LPAR6: variants seen among roughly 807,000 people sequenced by gnomAD.
LPAR6 encodes lysophosphatidic acid receptor 6, also known as G-protein coupled purinergic receptor P2Y5.
LPAR6 carries 17 observed loss-of-function variants against 22.0 expected under a neutral mutation model. The ratio of observed to expected loss-of-function variants is 0.77; its 90% CI spans 0.53 to 1.16. The LOEUF (loss-of-function observed/expected upper bound fraction) is 1.16, where lower values mean the gene tolerates loss of function less well. Among genes scored for constraint, LPAR6 ranks in the 50% most tolerant of loss-of-function variants. The pLI, the probability that LPAR6 is intolerant of heterozygous loss-of-function variation, is 0.00. For synonymous variants in LPAR6, 136 were observed against 139.8 expected (o/e 0.97, Z 0.19); for missense variants, 384 against 406.9 (o/e 0.94, Z 0.48).
Position 48,391,296 on chromosome 13 carries a change from A to C in LPAR6, n.115-1484T>G, listed in dbSNP as rs944754305. On this transcript the variant is annotated intron_variant and non_coding_transcript_variant, in intron 1 of 1. Coordinates refer to the LPAR6 transcript ENST00000462781. ...CATACATTTTGCTTCGACAGAAGTTATAAGCTCTACAATACACTCATAACT... is the reference window on the plus strand; with the variant it reads ...CATACATTTTGCTTCGACAGAAGTTCTAAGCTCTACAATACACTCATAACT... 4 of 152,208 alleles carry C rather than the reference A, an allele frequency of 2.6e-5. No individual in the cohort carries two copies. The East Asian group carries it at 7.7e-4, about 29-fold the overall frequency. 9.4% of individuals were successfully genotyped at this position (152,208 alleles called of 1,614,324 possible).
upstream of LPAR6, among the ~76,000 whole-genome samples, chr13:48,416,971 G>A (rs1269088462): frequency 5.3e-5 from 8 of 152,324 alleles, no homozygotes; most frequent in East Asian, 1.4e-3. Context: ...CCTGGGGGAA[G>A]GGTGCTATGG....
At chr13:48,414,394 G>A (rs142730064), upstream of LPAR6, among the ~76,000 whole-genome samples, 1,510 of 150,830 alleles carry the variant, frequency 0.01, 37 homozygotes, top group African/African-American at 0.035. Flanking sequence ...AAAATCAGAA[G>A]AAGAAAGTGT....
At chr13:48,420,950 G>T (rs1028573641) in intron 2 of LPAR6, among the ~76,000 whole-genome samples, 3 of 152,130 alleles carry the variant, frequency 2.0e-5, no homozygotes, top group African/African-American at 7.2e-5. Flanking sequence ...TGTGAAAATG[G>T]CCATACCACT....
chr13:48,414,085 C>T (rs753621553), upstream of LPAR6, among the ~76,000 whole-genome samples: 1 of 152,086 alleles, frequency 6.6e-6, no homozygotes, highest in African/African-American at 2.4e-5. Context: ...CAGTGGCTCA[C>T]GCCTATAATC....
intron 1 of LPAR6, among the ~76,000 whole-genome samples, chr13:48,405,678 C>G (rs1242113583): frequency 6.6e-6 from 1 of 152,136 alleles, no homozygotes; most frequent in Non-Finnish European, 1.5e-5. Flanking sequence ...GAAAGTTTGT[C>G]AATACCCAAT....
At chr13:48,402,151 T>C (rs1234159119) in intron 1 of LPAR6, among the ~76,000 whole-genome samples, 2 of 152,188 alleles carry the variant, frequency 1.3e-5, no homozygotes, top group Non-Finnish European at 2.9e-5. Context: ...AATCCAATAC[T>C]GAACTTACTA....
intron 1 of LPAR6, among the ~76,000 whole-genome samples, chr13:48,435,102 G>T (rs1949170291): frequency 6.6e-6 from 1 of 152,134 alleles, no homozygotes; most frequent in Non-Finnish European, 1.5e-5. Context: ...GAGTTGTATG[G>T]TTATTTTGCA....
rs1217677089 is a variant in LPAR6, at chr13:48,411,929, T to C, written c.495A>G (p.Ser165=). 1 of 1,612,610 alleles carries C rather than the reference T, an allele frequency of 6.2e-7. No homozygotes were observed. Among genetic ancestry groups the C allele is most frequent in the African/African-American group, 1.3e-5 (1 of 75,022 alleles). ...QSTHSQGNNA[S]EACFENFPEA... is the part of the protein sequence containing the mutation. The stretch of plus-strand genomic sequence containing the variant: ...CTGGAAAATTTTCAAAGCAGGCTTC[T>C]GAGGCATTGTTACCCTGAGAGTGGG... Residue 165 remains serine, a synonymous_variant, in exon 1 of 1, where the codon TCA becomes TCG. Transcript: ENST00000620633.
upstream of LPAR6, among the ~76,000 whole-genome samples, chr13:48,414,450 T>C (rs962595529): frequency 9.9e-5 from 15 of 152,092 alleles, no homozygotes; most frequent in Non-Finnish European, 1.3e-4. Context: ...TCCTCAAAGA[T>C]TGAGGATATC....
rs750617332 is a variant in LPAR6, at chr13:48,411,798, T to G, written c.626A>C (p.Lys209Thr). The part of the protein sequence containing the change: ...LNVTCSSMVL[K>T]TLTKPVTLSR... Reference sequence around the variant, plus strand: ...TAATGTAACAGGTTTGGTTAAAGTTTTTAGCACCATACTAGAACAAGTTAC... The same window carrying G: ...TAATGTAACAGGTTTGGTTAAAGTTGTTAGCACCATACTAGAACAAGTTAC... Residue 209 changes from lysine to threonine, a missense_variant, in exon 1 of 1, where the codon AAA becomes ACA. By Grantham distance (78) the Lys-to-Thr change is moderately conservative. Transcript: ENST00000620633. 3.1e-6 allele frequency: 5 copies of G among 1,612,786 alleles called. No individual in the cohort carries two copies. The African/African-American group carries it at 6.7e-5, about 22-fold the overall frequency.
At chr13:48,423,706 G>A (rs539529285) in intron 1 of LPAR6, among the ~76,000 whole-genome samples, 2 of 152,258 alleles carry the variant, frequency 1.3e-5, no homozygotes, top group South Asian at 4.1e-4. Context: ...AATCAAATGA[G>A]AGAGTATGTG....
At chr13:48,433,702 A>G (rs1472810167) in intron 1 of LPAR6, among the ~76,000 whole-genome samples, 1 of 126,980 alleles carries the variant, frequency 7.9e-6, no homozygotes, top group African/African-American at 2.8e-5. Context: ...TTTTACCTTT[A>G]GTAGGTATGC....
chr13:48,412,479 T>A lies in LPAR6; in HGVS notation c.-56A>T. On this transcript the variant is annotated 5_prime_UTR_variant, in exon 1 of 1. It adds an upstream start codon to the 5' untranslated region. Transcript: ENST00000620633. ...AGCACTTTCATCAGCTGCAGTCTCC[T>A]TTGGGATTCAGATTATAACCTCTAT... 2 of 1,148,220 alleles carry A rather than the reference T, an allele frequency of 1.7e-6. No individual in the cohort carries two copies. Among genetic ancestry groups the A allele is most frequent in the Non-Finnish European group, 2.7e-6 (2 of 754,524 alleles). 71.1% of individuals were successfully genotyped at this position (1,148,220 alleles called of 1,614,324 possible). A position where few individuals can be genotyped will look rare whatever the true frequency, so the allele number is the denominator to read the frequency against.
chr13:48,417,963 T>C (rs952033386), upstream of LPAR6, among the ~76,000 whole-genome samples: 6 of 152,168 alleles, frequency 3.9e-5, no homozygotes, highest in East Asian at 1.2e-3. Context: ...CTCTTCAGGA[T>C]ATTATCCAGG....
At chr13:48,429,152 G>A (rs1949105289), upstream of LPAR6, 1 of 152,216 alleles carries the variant, frequency 6.6e-6, no homozygotes, top group Non-Finnish European at 1.5e-5. Context: ...AAAAAGGGTT[G>A]TTTTAGTCAA....
chr13:48,439,757 T>G (rs1949218192), intron 1 of LPAR6: 1 of 152,160 alleles, frequency 6.6e-6, no homozygotes, highest in Admixed American at 6.5e-5. Flanking sequence ...TGCCTGAGTT[T>G]TTAGTGTTCC....
chr13:48,439,813 C>T (rs369733905), intron 1 of LPAR6: 1 of 151,854 alleles, frequency 6.6e-6, no homozygotes, highest in Non-Finnish European at 1.5e-5. Flanking sequence ...CTTTTTGAAC[C>T]TAAGAAGACA....
At chr13:48,408,070 C>T (rs75937206), downstream of LPAR6, among the ~76,000 whole-genome samples, 958 of 152,034 alleles carry the variant, frequency 6.3e-3, 12 homozygotes, top group African/African-American at 0.022. Flanking sequence ...AAATGTTTCT[C>T]GGATGGGAAT....
upstream of LPAR6, among the ~76,000 whole-genome samples, chr13:48,431,480 T>A (rs1949129029): frequency 6.6e-6 from 1 of 152,228 alleles, no homozygotes; most frequent in African/African-American, 2.4e-5. Context: ...TAACAGATAC[T>A]GATACTCAAA....
Sources: allele counts gnomAD v4.1 joint callset (sites outside exome capture counted in the v4.1 genomes callset), GRCh38; gene constraint gnomAD v4.1.1; transcripts MANE v1.5; gene names NCBI Gene and HGNC (gene_info 2026-07-23, HGNC 2026-07-21).